FTO: variants seen among roughly 807,000 people sequenced by gnomAD.
FTO encodes the protein alpha-ketoglutarate-dependent dioxygenase FTO.
A neutral mutation model predicts 63.9 loss-of-function variants in FTO; 47 were observed. The ratio of observed to expected loss-of-function variants is 0.74; its 90% confidence interval spans 0.58 to 0.94. The LOEUF (loss-of-function observed/expected upper bound fraction) is 0.94, where lower values mean the gene tolerates loss of function less well. Ranked by LOEUF, FTO falls within the 40% of genes least tolerant of loss-of-function variation. FTO has a pLI of 0.00. For synonymous variants in FTO, 207 were observed against 224.4 expected, an observed-to-expected ratio of 0.92 and a Z score of 0.69; for missense variants, 562 against 618.1, an observed-to-expected ratio of 0.91 and a Z score of 0.96.
chr16:53,916,835 C>T (rs1435110653), intron 7 of FTO, among the ~76,000 whole-genome samples: 1 of 152,202 alleles, frequency 6.6e-6, no homozygotes, highest in Non-Finnish European at 1.5e-5. Context: ...GACACTATAG[C>T]TAGGGAGAAT....
chr16:53,758,362 C>A (rs2076971269), intron 1 of FTO, among the ~76,000 whole-genome samples: 1 of 152,162 alleles, frequency 6.6e-6, no homozygotes, highest in South Asian at 2.1e-4. Flanking sequence ...TAGACCATAT[C>A]TACAGGCTGG....
At chr16:54,053,639 A>G (rs1220285889) in intron 8 of FTO, among the ~76,000 whole-genome samples, 1 of 152,168 alleles carries the variant, frequency 6.6e-6, no homozygotes, top group African/African-American at 2.4e-5. Flanking sequence ...AGAGAAAAAG[A>G]CAAATTTGAC....
intron 1 of FTO, among the ~76,000 whole-genome samples, chr16:53,767,828 C>T (rs1389173016): frequency 1.3e-5 from 2 of 152,084 alleles, no homozygotes; most frequent in African/African-American, 4.8e-5. Flanking sequence ...AAAGAGTTCC[C>T]AGAAATCATC....
chr16:53,765,438 C>A (rs1023873919), intron 1 of FTO, among the ~76,000 whole-genome samples: 44 of 151,436 alleles, frequency 2.9e-4, no homozygotes, highest in African/African-American at 1.0e-3. Context: ...GCCTGTAATC[C>A]CAGCTACTCG....
chr16:53,997,893 G>A (rs2083980336), intron 8 of FTO, among the ~76,000 whole-genome samples: 1 of 152,108 alleles, frequency 6.6e-6, no homozygotes, highest in African/African-American at 2.4e-5. Flanking sequence ...GACTTCCACA[G>A]TCAAATACAT....
chr16:53,817,165 A>G (rs902169902), intron 2 of FTO, among the ~76,000 whole-genome samples: 1 of 152,250 alleles, frequency 6.6e-6, no homozygotes, highest in Non-Finnish European at 1.5e-5. Context: ...AATGTTAAAT[A>G]AACAAAATGA....
chr16:53,877,141 G>T (rs957170770), intron 5 of FTO, among the ~76,000 whole-genome samples: 2 of 152,232 alleles, frequency 1.3e-5, no homozygotes, highest in African/African-American at 4.8e-5. Context: ...GGACAGTGGT[G>T]CAGCCACTTT....
At chr16:53,971,549 G>A (rs1391958372) in intron 8 of FTO, among the ~76,000 whole-genome samples, 7 of 152,208 alleles carry the variant, frequency 4.6e-5, no homozygotes, top group African/African-American at 1.7e-4. Flanking sequence ...TACAACATCT[G>A]TATTTTCTAA....
chr16:53,745,463 A>G (rs2076628471), intron 1 of FTO, among the ~76,000 whole-genome samples: 1 of 152,226 alleles, frequency 6.6e-6, no homozygotes, highest in Non-Finnish European at 1.5e-5. Context: ...GGAAATAAAA[A>G]TGACAGAATT....
chr16:53,717,897 G>T (rs181940450), intron 1 of FTO, among the ~76,000 whole-genome samples: 1 of 152,002 alleles, frequency 6.6e-6, no homozygotes, highest in Admixed American at 6.6e-5. Context: ...AATTGCCATC[G>T]ATTTATAATA....
chr16:53,719,228 T>A (rs1026418618), intron 1 of FTO, among the ~76,000 whole-genome samples: 1 of 147,680 alleles, frequency 6.8e-6, no homozygotes, highest in African/African-American at 2.7e-5. Context: ...GAACTTTACT[T>A]CTTCTTCTTC....
chr16:53,969,543 T>C (rs2083271741), intron 8 of FTO, among the ~76,000 whole-genome samples: 1 of 152,194 alleles, frequency 6.6e-6, no homozygotes, highest in East Asian at 1.9e-4. Flanking sequence ...TATACTGTCA[T>C]TGGTAGTTTG....
intron 8 of FTO, among the ~76,000 whole-genome samples, chr16:53,980,426 AG>A (rs2083516193): frequency 6.6e-6 from 1 of 152,226 alleles, no homozygotes; most frequent in Non-Finnish European, 1.5e-5. Context: ...CTCTAAGCTA[AG>A]GAAGCTGACA....
intron 8 of FTO, among the ~76,000 whole-genome samples, chr16:54,027,553 A>C (rs1599233441): frequency 6.7e-6 from 1 of 149,032 alleles, no homozygotes; most frequent in Non-Finnish European, 1.5e-5. Context: ...CTATCACTTT[A>C]CTCCCTAAAG....
intron 1 of FTO, among the ~76,000 whole-genome samples, chr16:53,786,110 T>G (rs2077733009): frequency 6.6e-6 from 1 of 152,078 alleles, no homozygotes; most frequent in African/African-American, 2.4e-5. Context: ...AGGAGGCTGT[T>G]GGAGTGTGTT....
intron 8 of FTO, chr16:53,979,625 G>A (rs1259803603): frequency 7.7e-6 from 3 of 387,968 alleles, no homozygotes; most frequent in African/African-American, 6.2e-5. Flanking sequence ...TGGCGTACAT[G>A]TTAACTGTTA....
chr16:53,866,768 G>A (rs756696521), intron 4 of FTO, among the ~76,000 whole-genome samples: 1 of 151,834 alleles, frequency 6.6e-6, no homozygotes, highest in Non-Finnish European at 1.5e-5. Flanking sequence ...TTTTTTCTTA[G>A]TCTGCCTAGA....
chr16:53,951,732 G>A (rs569740223), intron 8 of FTO, among the ~76,000 whole-genome samples: 57 of 151,818 alleles, frequency 3.8e-4, no homozygotes, highest in Middle Eastern at 3.5e-3. Context: ...TATATTTTAC[G>A]TTAGGTTAGA....
chr16:54,061,629 G>C (rs944737734), intron 8 of FTO: 5 of 144,210 alleles, frequency 3.5e-5, no homozygotes, highest in Admixed American at 1.4e-4. Flanking sequence ...GTGTGTGTGT[G>C]TGTACAGCCG....
Sources: allele counts gnomAD v4.1 joint callset (sites outside exome capture counted in the v4.1 genomes callset), GRCh38; gene constraint gnomAD v4.1.1; transcripts MANE v1.5; gene names NCBI Gene and HGNC (gene_info 2026-07-23, HGNC 2026-07-21).